MMP16: variants seen among roughly 807,000 people sequenced by gnomAD.
MMP16 encodes matrix metallopeptidase 16.
A neutral mutation model predicts 67.8 loss-of-function variants in MMP16; 12 were observed. The ratio of observed to expected loss-of-function variants is 0.18; its 90% CI spans 0.11 to 0.29. The LOEUF is 0.29. MMP16 is among the 10% of genes least tolerant of loss of function. The pLI is 1.00. For synonymous variants in MMP16, 249 were observed against 255.9 expected, an observed-to-expected ratio of 0.97 and a Z score of 0.26; for missense variants, 475 against 765.7, an observed-to-expected ratio of 0.62 and a Z score of 4.48.
At chr8:88,206,564 CT>C (rs1809430304) in intron 1 of MMP16, among the ~76,000 whole-genome samples, 1 of 152,158 alleles carries the variant, frequency 6.6e-6, no homozygotes, top group African/African-American at 2.4e-5. Flanking sequence ...GCCTTGTGCC[CT>C]AAGCTGCTGG....
Position 88,327,407 on chromosome 8 carries a change from G to A in MMP16, c.-201C>T. The A allele has an allele frequency of 1.8e-6, 1 of 567,138 alleles. No homozygotes were observed. The highest frequency in any genetic ancestry group is 1.9e-5 in the South Asian group (1 of 52,504). The allele number at this position is 567,138 out of a possible 1,614,324, so 35.1% of individuals were successfully genotyped here. ...AGAGGCAGCGGCGAAGACAGGGTCA[G>A]CAGTAGTTCCTGTTCACCATCCTCC... is the stretch of plus-strand genomic sequence containing the variant. On this transcript the variant is annotated 5_prime_UTR_variant, in exon 1 of 10. Coordinates refer to ENST00000286614, the MANE Select transcript of MMP16 (RefSeq NM_005941.5).
At chr8:88,133,134 C>T (rs566471933) in intron 4 of MMP16, among the ~76,000 whole-genome samples, 1 of 151,796 alleles carries the variant, frequency 6.6e-6, no homozygotes, top group Admixed American at 6.6e-5. Context: ...GATTTTTATT[C>T]CACATACTGT....
chr8:88,194,394 C>A (rs1252106443), intron 2 of MMP16, among the ~76,000 whole-genome samples: 1 of 151,950 alleles, frequency 6.6e-6, no homozygotes, highest in Non-Finnish European at 1.5e-5. Context: ...GATAAAAATT[C>A]ATACCTTATA....
At chr8:88,311,175 CA>C (rs879526714) in intron 1 of MMP16, among the ~76,000 whole-genome samples, 17 of 150,894 alleles carry the variant, frequency 1.1e-4, no homozygotes, top group Non-Finnish European at 1.6e-4. Context: ...TTCTCGACAC[CA>C]AAAAAAATGT....
At chr8:88,089,390 G>T (rs1808895544) in intron 6 of MMP16, among the ~76,000 whole-genome samples, 1 of 151,932 alleles carries the variant, frequency 6.6e-6, no homozygotes, top group South Asian at 2.1e-4. Context: ...GGGGAAATAA[G>T]ATTTGATGAC....
chr8:88,207,082 T>A (rs1809440721), intron 1 of MMP16, among the ~76,000 whole-genome samples: 1 of 152,222 alleles, frequency 6.6e-6, no homozygotes, highest in Non-Finnish European at 1.5e-5. Context: ...AAAATTTAGA[T>A]ATGTCATGAA....
intron 4 of MMP16, among the ~76,000 whole-genome samples, chr8:88,155,025 A>G (rs1202914778): frequency 1.3e-5 from 2 of 152,150 alleles, no homozygotes; most frequent in Non-Finnish European, 2.9e-5. Context: ...AATATCTGAT[A>G]ATAGCATGAT....
intron 1 of MMP16, among the ~76,000 whole-genome samples, chr8:88,274,896 C>T (rs1298496754): frequency 1.3e-5 from 2 of 151,944 alleles, no homozygotes; most frequent in African/African-American, 4.8e-5. Flanking sequence ...ACCGATGTAT[C>T]ACCAAAGTTT....
At chr8:88,048,698 T>C (rs1238756173) in intron 8 of MMP16, among the ~76,000 whole-genome samples, 1 of 152,164 alleles carries the variant, frequency 6.6e-6, no homozygotes, top group Non-Finnish European at 1.5e-5. Flanking sequence ...TGCCACCAAA[T>C]ACGTTTCCCA....
chr8:88,222,924 G>A (rs1454085106), intron 1 of MMP16, among the ~76,000 whole-genome samples: 2 of 151,930 alleles, frequency 1.3e-5, no homozygotes, highest in African/African-American at 2.4e-5. Context: ...CAGAATGGGA[G>A]AAAATTTTTG....
chr8:88,149,799 G>C (rs1276376271), intron 4 of MMP16, among the ~76,000 whole-genome samples: 49 of 151,532 alleles, frequency 3.2e-4, no homozygotes, highest in African/African-American at 1.2e-3. Flanking sequence ...CTAAAAAGCA[G>C]AGCGCCTCTC....
intron 4 of MMP16, among the ~76,000 whole-genome samples, chr8:88,148,249 T>C (rs117049876): frequency 2.0e-5 from 3 of 152,204 alleles, no homozygotes; most frequent in South Asian, 2.1e-4. Context: ...ACATCCTGCA[T>C]TGAAGTTTTA....
chr8:88,155,833 C>G (rs544661039), intron 4 of MMP16, among the ~76,000 whole-genome samples: 1 of 152,034 alleles, frequency 6.6e-6, no homozygotes, highest in African/African-American at 2.4e-5. Context: ...TGATAAAATA[C>G]TTTCAGTGAC....
chr8:88,055,364 C>T (rs1004049789), intron 8 of MMP16, among the ~76,000 whole-genome samples: 1 of 152,060 alleles, frequency 6.6e-6, no homozygotes, highest in South Asian at 2.1e-4. Context: ...TGTGCCAAAA[C>T]GCCTGGCTAA....
At chr8:88,081,167 G>A (rs2664353) in intron 6 of MMP16, among the ~76,000 whole-genome samples, 74,456 of 151,760 alleles carry the variant, frequency 0.49, 18,513 homozygotes, top group East Asian at 0.58. Flanking sequence ...TAAGACAGAC[G>A]TCAAAAGGTT....
At chr8:88,276,904 A>C (rs1050214059) in intron 1 of MMP16, among the ~76,000 whole-genome samples, 4 of 152,152 alleles carry the variant, frequency 2.6e-5, no homozygotes, top group Non-Finnish European at 5.9e-5. Context: ...ATTCAGTTGA[A>C]TGTATAAATC....
chr8:88,042,093 G>C (rs911643129), intron 9 of MMP16, among the ~76,000 whole-genome samples: 4 of 152,120 alleles, frequency 2.6e-5, no homozygotes, highest in Non-Finnish European at 5.9e-5. Flanking sequence ...AGCTAGAAAA[G>C]AGAACCTTAT....
At chr8:88,173,730 T>C (rs540252382) in intron 3 of MMP16, among the ~76,000 whole-genome samples, 1 of 152,346 alleles carries the variant, frequency 6.6e-6, no homozygotes, top group South Asian at 2.1e-4. Context: ...ATTATGCTTG[T>C]CTAATTAATG....
intron 3 of MMP16, among the ~76,000 whole-genome samples, chr8:88,176,306 A>G (rs1808889404): frequency 6.6e-6 from 1 of 152,244 alleles, no homozygotes; most frequent in Non-Finnish European, 1.5e-5. Context: ...GGACAGTAAC[A>G]CAGAATGAGT....
Sources: allele counts gnomAD v4.1 joint callset (sites outside exome capture counted in the v4.1 genomes callset), GRCh38; gene constraint gnomAD v4.1.1; transcripts MANE v1.5; gene names NCBI Gene and HGNC (gene_info 2026-07-23, HGNC 2026-07-21).